ADAM12: variants seen among roughly 807,000 people sequenced by gnomAD.
ADAM12 encodes the protein disintegrin and metalloproteinase domain-containing protein 12.
A neutral mutation model predicts 106.4 loss-of-function variants in ADAM12; 70 were observed. The observed-to-expected ratio is 0.66, with a 90% CI of 0.54 to 0.80. The LOEUF is 0.80. Among genes scored for constraint, ADAM12 ranks in the 30% least tolerant of loss-of-function variants. ADAM12 has a pLI of 0.00. For synonymous variants in ADAM12, 420 were observed against 433.5 expected, an observed-to-expected ratio of 0.97 and a Z score of 0.39; for missense variants, 1,010 against 1,171.9, an observed-to-expected ratio of 0.86 and a Z score of 2.02.
chr10:126,173,354 G>A (rs570590031), intron 3 of ADAM12, among the ~76,000 whole-genome samples: 4 of 152,294 alleles, frequency 2.6e-5, no homozygotes, highest in South Asian at 2.1e-4. Flanking sequence ...CAGCAAACGC[G>A]GCGAATCTTA....
intron 3 of ADAM12, among the ~76,000 whole-genome samples, chr10:126,230,058 G>T (rs1958279559): frequency 6.6e-6 from 1 of 152,040 alleles, no homozygotes; most frequent in Non-Finnish European, 1.5e-5. Flanking sequence ...CTTCCATTTT[G>T]GCTGAGCTGC....
intron 5 of ADAM12, among the ~76,000 whole-genome samples, chr10:126,133,686 C>T (rs557597368): frequency 3.2e-4 from 48 of 152,308 alleles, no homozygotes; most frequent in East Asian, 9.7e-4. Context: ...TGATCACCTT[C>T]GTGACCCCTG....
At chr10:126,187,593 C>T (rs1191157466) in intron 3 of ADAM12, among the ~76,000 whole-genome samples, 1 of 152,132 alleles carries the variant, frequency 6.6e-6, no homozygotes, top group Non-Finnish European at 1.5e-5. Flanking sequence ...CCTGGGGCTA[C>T]ATTGCTCCTG....
chr10:126,092,280 G>A (rs968955374), intron 11 of ADAM12, among the ~76,000 whole-genome samples: 3 of 152,208 alleles, frequency 2.0e-5, no homozygotes, highest in Admixed American at 1.3e-4. Flanking sequence ...TGAGTTCATT[G>A]AGAGTGAGAA....
At chr10:126,354,035 T>A (rs1006358732) in intron 1 of ADAM12, among the ~76,000 whole-genome samples, 1 of 58,790 alleles carries the variant, frequency 1.7e-5, no homozygotes, top group Non-Finnish European at 3.8e-5. Flanking sequence ...GTTAACAAGC[T>A]TTTTTTTTTT....
intron 2 of ADAM12, among the ~76,000 whole-genome samples, chr10:126,292,830 AT>A (rs1009902968): frequency 6.6e-6 from 1 of 152,176 alleles, no homozygotes. Context: ...ATTCTTTTGA[AT>A]TTTTTTCTCC....
intron 3 of ADAM12, among the ~76,000 whole-genome samples, chr10:126,274,555 T>C (rs1048767602): frequency 6.6e-6 from 1 of 152,254 alleles, no homozygotes; most frequent in African/African-American, 2.4e-5. Flanking sequence ...TGATCCGAAC[T>C]GCTGAAATCT....
intron 3 of ADAM12, among the ~76,000 whole-genome samples, chr10:126,278,517 G>T (rs76944121): frequency 1.8e-4 from 28 of 152,094 alleles, no homozygotes; most frequent in African/African-American, 5.8e-4. Context: ...TAAACTCTTG[G>T]TATTTCTCAG....
chr10:126,113,733 A>ATATATAT (rs1955928342), intron 6 of ADAM12, among the ~76,000 whole-genome samples: 1 of 83,968 alleles, frequency 1.2e-5, no homozygotes, highest in East Asian at 4.2e-4. Flanking sequence ...TATATATATA[A>ATATATAT]TATATTGCTC....
At chr10:126,098,992 G>A (rs527771888) in intron 9 of ADAM12, among the ~76,000 whole-genome samples, 5 of 152,292 alleles carry the variant, frequency 3.3e-5, no homozygotes, top group African/African-American at 9.6e-5. Flanking sequence ...AAATTGAAAT[G>A]GGCAGAAAAA....
intron 2 of ADAM12, among the ~76,000 whole-genome samples, chr10:126,313,779 C>T (rs1961223701): frequency 6.6e-6 from 1 of 152,144 alleles, no homozygotes; most frequent in African/African-American, 2.4e-5. Context: ...ATAAGTCTCT[C>T]TCCTCATGGG....
chr10:126,290,516 T>C (rs905314017), intron 2 of ADAM12, among the ~76,000 whole-genome samples: 2 of 152,166 alleles, frequency 1.3e-5, no homozygotes, highest in Non-Finnish European at 2.9e-5. Context: ...TTGGAAACCA[T>C]CATGCGTGAC....
At chr10:126,028,343 G>A (rs1953915009) in intron 21 of ADAM12, among the ~76,000 whole-genome samples, 1 of 152,102 alleles carries the variant, frequency 6.6e-6, no homozygotes, top group Non-Finnish European at 1.5e-5. Flanking sequence ...CCCCAAAAGA[G>A]CCCAAATAGC....
At chr10:126,261,789 G>A (rs943677326) in intron 3 of ADAM12, among the ~76,000 whole-genome samples, 1 of 145,234 alleles carries the variant, frequency 6.9e-6, no homozygotes, top group Non-Finnish European at 1.5e-5. Context: ...TCTTAATAAG[G>A]ATGGATGGAT....
Position 126,064,811 on chromosome 10 carries a change from C to G in ADAM12, c.1604G>C (p.Gly535Ala). The part of the protein sequence containing the change: ...THEQQCVTLW[G>A]PGAKPAPGIC... ...AGCTTGTGGCGGCCACGTACCTGGT[C>G]CCCAGAGCGTGACACACTGCTGCTC... The change falls in exon 14 of 23, where the codon GGA (glycine) becomes GCA (alanine). Residue 535 changes from glycine to alanine, a missense_variant. Physicochemically the swap from Gly to Ala is moderately conservative, Grantham distance 60 (BLOSUM62 0). Transcript: ENST00000448723. The surrounding 1 kb of genome is among the most constrained non-coding windows in gnomAD (Gnocchi z 4.4). 2 of 1,604,030 alleles carry G rather than the reference C, an allele frequency of 1.2e-6. No homozygotes were observed. Among genetic ancestry groups the G allele is most frequent in the Non-Finnish European group, 1.7e-6 (2 of 1,175,712 alleles).
chr10:126,169,118 C>A (rs1350692231), intron 3 of ADAM12, among the ~76,000 whole-genome samples: 1 of 152,154 alleles, frequency 6.6e-6, no homozygotes, highest in Non-Finnish European at 1.5e-5. Flanking sequence ...CCTCTACCTG[C>A]TCAATTCATC....
In ADAM12 at chr10:126,036,176, C is replaced by G; in HGVS notation, c.2499G>C (p.Leu833=). ...CCTGCCTAAGTGCAGGCTTGGCTGG[C>G]AGGGGTCTGGCAGGGACGCTAGGTG... ...PRAPSVPARP[L]PAKPALRQAQ... Residue 833 remains leucine (L), a synonymous_variant, in exon 21 of 23, where the codon CTG becomes CTC. Coordinates refer to ENST00000448723, the MANE Select transcript of ADAM12 (RefSeq NM_001288973.2). 2 of 1,500,258 alleles carry G rather than the reference C, an allele frequency of 1.3e-6. No homozygotes were observed. Among genetic ancestry groups the G allele is most frequent in the South Asian group, 2.7e-5 (2 of 74,080 alleles). 92.9% of individuals were successfully genotyped at this position (1,500,258 alleles called of 1,614,324 possible). A position where few individuals can be genotyped will look rare whatever the true frequency, so the allele number is the denominator to read the frequency against.
At chr10:126,223,856 AT>A (rs1274990671) in intron 3 of ADAM12, among the ~76,000 whole-genome samples, 1 of 152,214 alleles carries the variant, frequency 6.6e-6, no homozygotes, top group African/African-American at 2.4e-5. Context: ...CCTGTGCTTT[AT>A]GTGAGGCCAA....
chr10:126,284,301 C>A (rs568637740), intron 2 of ADAM12, among the ~76,000 whole-genome samples: 66 of 141,488 alleles, frequency 4.7e-4, no homozygotes, highest in African/African-American at 1.7e-3. Context: ...TCACTGCACT[C>A]CAGCCTGGAT....
Sources: gnomAD v4.1 joint callset for allele counts (sites outside exome capture counted in the v4.1 genomes callset) on GRCh38, gnomAD v4.1.1 for gene constraint, Gnocchi (gnomAD v3.1) non-coding constraint, MANE v1.5 for transcripts, NCBI Gene and HGNC (gene_info 2026-07-23, HGNC 2026-07-21) for gene names.